TBX15: variants seen among roughly 807,000 people sequenced by gnomAD.
TBX15 encodes T-box transcription factor TBX15.
In TBX15, 18 loss-of-function variants were observed where a neutral mutation model predicts 53.9. The ratio of observed to expected loss-of-function variants is 0.33; its 90% CI spans 0.23 to 0.49. TBX15 has a LOEUF of 0.49. Among genes scored for constraint, TBX15 ranks in the 20% least tolerant of loss-of-function variants. TBX15 has a pLI of 0.98. For missense variants in TBX15, 692 were observed against 749.5 expected (o/e 0.92, Z 0.90); for synonymous variants, 295 against 278.0 (o/e 1.06, Z -0.61).
chr1:118,934,813 G>A (rs1336033641), intron 1 of TBX15, among the ~76,000 whole-genome samples: 1 of 152,180 alleles, frequency 6.6e-6, no homozygotes, highest in Non-Finnish European at 1.5e-5. Context: ...GTCTGTGGAG[G>A]CATAGGCAGT....
intron 1 of TBX15, among the ~76,000 whole-genome samples, chr1:118,933,150 G>A (rs1015402013): frequency 2.0e-5 from 3 of 152,118 alleles, no homozygotes; most frequent in Non-Finnish European, 4.4e-5. Context: ...ACACCCCATT[G>A]TTCCTTTACT....
intron 1 of TBX15, among the ~76,000 whole-genome samples, chr1:118,951,288 C>T (rs1656501916): frequency 6.6e-6 from 1 of 152,118 alleles, no homozygotes; most frequent in South Asian, 2.1e-4. Flanking sequence ...AAGACATTTC[C>T]CCTAATTGGC....
intron 6 of TBX15, among the ~76,000 whole-genome samples, chr1:118,899,517 C>G (rs1198681850): frequency 1.3e-5 from 2 of 152,160 alleles, no homozygotes; most frequent in East Asian, 3.9e-4. Context: ...CATTACCACA[C>G]TGCACTGACA....
At chr1:118,921,379 T>C (rs12133982) in intron 5 of TBX15, among the ~76,000 whole-genome samples, 22,073 of 152,162 alleles carry the variant, frequency 0.15, 1,947 homozygotes, top group Non-Finnish European at 0.18. Context: ...TTTTCAGTAG[T>C]TGAAAATCGT....
At chr1:118,889,674 C>G (rs1219365159) in intron 7 of TBX15, among the ~76,000 whole-genome samples, 2 of 152,190 alleles carry the variant, frequency 1.3e-5, no homozygotes, top group African/African-American at 4.8e-5. Flanking sequence ...AAGTTAGCAA[C>G]TCCAAGCCTT....
intron 5 of TBX15, among the ~76,000 whole-genome samples, chr1:118,922,241 A>G (rs1432954257): frequency 6.6e-6 from 1 of 152,220 alleles, no homozygotes; most frequent in African/African-American, 2.4e-5. Context: ...GAATTCACCA[A>G]TATGACATGA....
chr1:118,912,296 G>C lies in TBX15; in HGVS notation c.926+1819C>G, dbSNP rs79080028. 1.1e-3 allele frequency among the ~76,000 whole-genome samples: 151 copies of C among 143,340 alleles called. 2 individuals carry two copies. In the East Asian group the frequency reaches 0.026, roughly 25 times the overall value. 94.0% of individuals were successfully genotyped at this position (143,340 alleles called of 152,430 possible). A position where few individuals can be genotyped will look rare whatever the true frequency, so the allele number is the denominator to read the frequency against. ...TGAGAGAGAGAGAGAGTTGTATCTA[G>C]AGCAGAAATTCTTAACTTTAAGACT... On this transcript the variant is annotated intron_variant, in intron 6 of 7. Transcript: ENST00000369429.
intron 1 of TBX15, 118 bp from the exon 2 acceptor site, chr1:118,931,950 CTT>C: frequency 1.0e-6 from 1 of 970,792 alleles, no homozygotes; most frequent in Non-Finnish European, 1.5e-6. Context: ...CAAAAGGAGA[CTT>C]AAAGCTGGGA....
intron 1 of TBX15, among the ~76,000 whole-genome samples, chr1:118,981,167 AT>A (rs913562447): frequency 1.3e-5 from 2 of 152,140 alleles, no homozygotes; most frequent in Non-Finnish European, 2.9e-5. Context: ...TCATCAGTTT[AT>A]TTACAAGTTA....
At chr1:118,955,427 T>G (rs748185225) in intron 1 of TBX15, among the ~76,000 whole-genome samples, 19 of 152,320 alleles carry the variant, frequency 1.2e-4, no homozygotes, top group Non-Finnish European at 2.2e-4. Context: ...CCAAAGCATT[T>G]GGTGTTGTTT....
At chr1:118,979,193 GTTTCTTTTTC>G (rs1025309322) in intron 1 of TBX15, among the ~76,000 whole-genome samples, 4 of 146,716 alleles carry the variant, frequency 2.7e-5, no homozygotes, top group Non-Finnish European at 4.6e-5. Flanking sequence ...CACTTGGTTG[GTTTCTTTTTC>G]TTTCTTTTTT....
intron 6 of TBX15, among the ~76,000 whole-genome samples, chr1:118,909,885 G>A (rs1012616334): frequency 6.6e-5 from 10 of 152,132 alleles, no homozygotes; most frequent in Non-Finnish European, 1.3e-4. Flanking sequence ...CCTGCCAGAT[G>A]TCTCTTTACA....
rs757011720 is a variant in TBX15, at chr1:118,884,859, C to G, written c.1682G>C (p.Gly561Ala). ...AFGERQYLPS[G>A]MEHSMHMISP... ...AATCATGTGCATGCTGTGCTCCATC[C>G]CTGACGGCAGGTACTGCCTCTCTCC... The change falls in exon 8 of 8, where the codon GGG becomes GCG. Residue 561 changes from glycine (G) to alanine (A), a missense_variant. By Grantham distance (60) the Gly-to-Ala change is moderately conservative. This residue lies in a region of TBX15 where 375 missense variants were observed against 371.6 expected (regional missense o/e 1.01). Transcript: ENST00000369429. The G allele has an allele frequency of 6.2e-7, 1 of 1,614,154 alleles. No homozygotes were observed. The highest frequency in any genetic ancestry group is 2.2e-5 in the East Asian group (1 of 44,868).
chr1:118,943,000 G>T (rs1446696250), intron 1 of TBX15, among the ~76,000 whole-genome samples: 2 of 152,124 alleles, frequency 1.3e-5, no homozygotes, highest in African/African-American at 4.8e-5. Flanking sequence ...TAAGGCAAAA[G>T]ATTACAAACC....
chr1:118,946,200 T>C (rs1656342911), intron 1 of TBX15, among the ~76,000 whole-genome samples: 1 of 152,202 alleles, frequency 6.6e-6, no homozygotes, highest in African/African-American at 2.4e-5. Context: ...ATATGACACT[T>C]GCTATACTTG....
At chr1:118,956,773 A>G (rs995296309) in intron 1 of TBX15, among the ~76,000 whole-genome samples, 2 of 138,346 alleles carry the variant, frequency 1.4e-5, no homozygotes, top group African/African-American at 5.5e-5. Flanking sequence ...TAACACGGTG[A>G]AACCCCGTTT....
chr1:118,948,442 G>A (rs1656410320), intron 1 of TBX15, among the ~76,000 whole-genome samples: 1 of 152,180 alleles, frequency 6.6e-6, no homozygotes, highest in African/African-American at 2.4e-5. Flanking sequence ...GGGATTCTGA[G>A]ACCACCAGCA....
chr1:118,986,952 T>C (rs915906684), intron 1 of TBX15, among the ~76,000 whole-genome samples: 1 of 152,226 alleles, frequency 6.6e-6, no homozygotes, highest in African/African-American at 2.4e-5. Context: ...ATACATGGGT[T>C]ACTGTAGGAT....
intron 1 of TBX15, among the ~76,000 whole-genome samples, chr1:118,944,405 C>T (rs755421014): frequency 5.3e-5 from 8 of 152,204 alleles, no homozygotes; most frequent in Non-Finnish European, 8.8e-5. Flanking sequence ...GTCATCCTCA[C>T]CATGTCACTT....
Sources: gnomAD v4.1 joint callset for allele counts (sites outside exome capture counted in the v4.1 genomes callset) on GRCh38, gnomAD v4.1.1 for gene constraint, gnomAD v4.1.1 regional missense constraint, MANE v1.5 for transcripts, NCBI Gene and HGNC (gene_info 2026-07-23, HGNC 2026-07-21) for gene names.